CHST12: variants seen among roughly 807,000 people sequenced by gnomAD.
CHST12 encodes the protein carbohydrate (chondroitin 4) sulfotransferase 12.
In CHST12, 23 loss-of-function variants were observed where a neutral mutation model predicts 27.9. The observed-to-expected ratio is 0.82, with a 90% CI of 0.59 to 1.17. The LOEUF is 1.17. Ranked by LOEUF, CHST12 falls within the 50% of genes most tolerant of loss-of-function variation. The pLI is 0.00. For synonymous variants in CHST12, 322 were observed against 273.0 expected (o/e 1.18, Z -1.77); for missense variants, 682 against 603.0 (o/e 1.13, Z -1.37).
intron 1 of CHST12, among the ~76,000 whole-genome samples, chr7:2,424,092 GC>G: frequency 6.6e-6 from 1 of 152,106 alleles, no homozygotes; most frequent in Non-Finnish European, 1.5e-5. Flanking sequence ...AATGGCTTAT[GC>G]CTGTAATCCT....
At position 2,440,402 on chromosome 7, in the gene CHST12, A is replaced by G. The variant is rs1343729958; in HGVS notation, c.*6518A>G. The G allele has an allele frequency of 6.5e-6, 1 of 153,552 alleles. No individual in the cohort carries two copies. Among genetic ancestry groups the G allele is most frequent in the Non-Finnish European group, 1.5e-5 (1 of 68,236 alleles). 9.5% of individuals were successfully genotyped at this position (153,552 alleles called of 1,614,324 possible). A position where few individuals can be genotyped will look rare whatever the true frequency, so the allele number is the denominator to read the frequency against. The stretch of plus-strand genomic sequence containing the variant: ...GTGTGAGTCTGCACTTGTGTGCAAG[A>G]GAATGTGTGTGTGTGTGTGTTTGGA... On this transcript the variant is annotated 3_prime_UTR_variant, in exon 2 of 2. Transcript: ENST00000618655.
Position 2,433,912 on chromosome 7 carries a change from G to T in CHST12, c.*28G>T. The T allele has an allele frequency of 6.5e-7, 1 of 1,536,482 alleles. No individual in the cohort carries two copies. Among genetic ancestry groups the T allele is most frequent in the Non-Finnish European group, 8.8e-7 (1 of 1,141,010 alleles). On this transcript the variant is annotated 3_prime_UTR_variant, in exon 2 of 2. Transcript: ENST00000618655. The surrounding 1 kb of genome is among the most constrained non-coding windows in gnomAD (Gnocchi z 6.1). Reference sequence around the variant, plus strand: ...GCTTTCGCGTTGCTTTTTCTCGCGTGCCTGGAACCTGACGCACGCGCACTC... The same window carrying T: ...GCTTTCGCGTTGCTTTTTCTCGCGTTCCTGGAACCTGACGCACGCGCACTC...
chr7:2,418,820 G>A (rs1562513194), intron 1 of CHST12, among the ~76,000 whole-genome samples: 1 of 152,098 alleles, frequency 6.6e-6, no homozygotes, highest in East Asian at 1.9e-4. Context: ...TTTTTGGGAT[G>A]TGGTCTCACC....
chr7:2,417,226 CTT>C (rs1210382918), intron 1 of CHST12, among the ~76,000 whole-genome samples: 27 of 138,962 alleles, frequency 1.9e-4, no homozygotes, highest in Admixed American at 2.9e-4. Flanking sequence ...CTTACTCTAC[CTT>C]TTTTTTTTTT....
intron 1 of CHST12, among the ~76,000 whole-genome samples, chr7:2,425,122 A>G (rs1395145832): frequency 6.6e-6 from 1 of 150,386 alleles, no homozygotes; most frequent in African/African-American, 2.4e-5. Flanking sequence ...AGAAAATCGC[A>G]TGAACCCGGG....
chr7:2,426,852 G>T (rs1033287080), intron 1 of CHST12, among the ~76,000 whole-genome samples: 1 of 152,032 alleles, frequency 6.6e-6, no homozygotes, highest in Admixed American at 6.6e-5. Context: ...TTAGCCGGGT[G>T]TCAGGGTGGG....
chr7:2,405,389 A>AGC (rs1342897116), intron 1 of CHST12, among the ~76,000 whole-genome samples: 1 of 152,190 alleles, frequency 6.6e-6, no homozygotes, highest in Non-Finnish European at 1.5e-5. Context: ...AGTTGCAGTG[A>AGC]GCCGACACTG....
At chr7:2,412,794 G>A (rs1312122092) in intron 1 of CHST12, among the ~76,000 whole-genome samples, 2 of 152,140 alleles carry the variant, frequency 1.3e-5, no homozygotes, top group Admixed American at 6.6e-5. Context: ...CCCAGTTCAT[G>A]TGAGGATTAA....
In CHST12 at chr7:2,434,126, T is replaced by TCGCCCGCCCGCCCGCTCGCC; in HGVS notation, c.*249_*250insCCGCCCGCTCGCCCGCCCGC. On this transcript the variant is annotated 3_prime_UTR_variant, in exon 2 of 2. Coordinates refer to ENST00000618655, the MANE Select transcript of CHST12 (RefSeq NM_018641.5). ...TCCGCCCGCCCACCCGCCCGCCCGC[T>TCGCCCGCCCGCCCGCTCGCC]CGCCCGCTCGCCCGCTCCTGTGGTT... 2 of 317,506 alleles carry TCGCCCGCCCGCCCGCTCGCC rather than the reference T, an allele frequency of 6.3e-6. No individual in the cohort carries two copies. Among genetic ancestry groups the TCGCCCGCCCGCCCGCTCGCC allele is most frequent in the East Asian group, 5.9e-5 (1 of 16,930 alleles). The allele number at this position is 317,506 out of a possible 1,614,324, so 19.7% of individuals were successfully genotyped here.
chr7:2,422,061 T>C (rs1394690943), intron 1 of CHST12, among the ~76,000 whole-genome samples: 1 of 152,178 alleles, frequency 6.6e-6, no homozygotes, highest in African/African-American at 2.4e-5. Context: ...AACGCCCTTA[T>C]CTAGTTCTTA....
intron 1 of CHST12, among the ~76,000 whole-genome samples, chr7:2,427,641 TGAG>T (rs1782161261): frequency 6.6e-6 from 1 of 152,170 alleles, no homozygotes; most frequent in Non-Finnish European, 1.5e-5. Flanking sequence ...CCCTATAAGT[TGAG>T]GATATCCTCT....
At chr7:2,404,451 G>A (rs1781467968) in intron 1 of CHST12, among the ~76,000 whole-genome samples, 1 of 152,238 alleles carries the variant, frequency 6.6e-6, no homozygotes, top group East Asian at 1.9e-4. Context: ...GGGCTGTGGG[G>A]ACTCGGAAGC....
intron 1 of CHST12, among the ~76,000 whole-genome samples, chr7:2,404,381 G>T (rs1781465874): frequency 1.3e-5 from 2 of 152,154 alleles, no homozygotes; most frequent in Admixed American, 1.3e-4. Flanking sequence ...GCTCCGTCTG[G>T]CAGGCAGCAC....
chr7:2,428,199 T>G lies in CHST12; in HGVS notation c.-77-4364T>G, dbSNP rs1418171556. 4.1e-5 allele frequency among the ~76,000 whole-genome samples: 4 copies of G among 97,820 alleles called. No individual in the cohort carries two copies. The Admixed American group carries it at 4.1e-4, about 10-fold the overall frequency. 64.2% of individuals were successfully genotyped at this position (97,820 alleles called of 152,430 possible). On this transcript the variant is annotated intron_variant, in intron 1 of 1. Transcript: ENST00000618655. ...TTGGCCTGTAGCTTTCTCTCTCTCT[T>G]TTTTTTTTTTTTTGAGACAGAGTCT...
At chr7:2,411,308 C>CT (rs1302080544) in intron 1 of CHST12, among the ~76,000 whole-genome samples, 3 of 152,042 alleles carry the variant, frequency 2.0e-5, no homozygotes, top group Non-Finnish European at 4.4e-5. Flanking sequence ...TCTTGAACTC[C>CT]TGGTCTCAAA....
In CHST12 at chr7:2,437,826, A is replaced by C. The variant is rs921484745; in HGVS notation, c.*3942A>C. ...CAGAGGGTGTAGGAGTTGTGTTCCAAGTTTGTTCCTGCAAACCCTCCGATG... is the reference window on the plus strand; with the variant it reads ...CAGAGGGTGTAGGAGTTGTGTTCCACGTTTGTTCCTGCAAACCCTCCGATG... On this transcript the variant is annotated 3_prime_UTR_variant, in exon 2 of 2. Coordinates refer to ENST00000618655, the MANE Select transcript of CHST12 (RefSeq NM_018641.5). The C allele has an allele frequency of 2.6e-5, 4 of 152,068 alleles. No homozygotes were observed. Among genetic ancestry groups the C allele is most frequent in the African/African-American group, 7.3e-5 (3 of 41,354 alleles). The allele number at this position is 152,068 out of a possible 1,614,324, so 9.4% of individuals were successfully genotyped here. A position where few individuals can be genotyped will look rare whatever the true frequency, so the allele number is the denominator to read the frequency against.
At chr7:2,415,860 C>T (rs187148256) in intron 1 of CHST12, among the ~76,000 whole-genome samples, 116 of 152,236 alleles carry the variant, frequency 7.6e-4, no homozygotes, top group African/African-American at 2.7e-3. Context: ...GTGATCCGCG[C>T]ACCTCAGCCT....
Position 2,432,956 on chromosome 7 carries a change from G to T in CHST12, c.317G>T (p.Trp106Leu). 1 of 1,610,106 alleles carries T rather than the reference G, an allele frequency of 6.2e-7. No homozygotes were observed. Among genetic ancestry groups the T allele is most frequent in the Non-Finnish European group, 8.5e-7 (1 of 1,178,046 alleles). Residue 106 changes from tryptophan (W) to leucine (L), a missense_variant, in exon 2 of 2, where the codon TGG (tryptophan) becomes TTG (leucine). By Grantham distance (61) the Trp-to-Leu change is moderately conservative. Coordinates refer to ENST00000618655, the MANE Select transcript of CHST12 (RefSeq NM_018641.5). ...SMEESVRGYDWSPRDARRSPD... is the reference protein window; with the variant it reads ...SMEESVRGYDLSPRDARRSPD... Reference sequence around the variant, plus strand: ...GAGGAGAGCGTGAGAGGCTACGACTGGTCCCCGCGCGACGCCCGGCGCAGC... The same window carrying T: ...GAGGAGAGCGTGAGAGGCTACGACTTGTCCCCGCGCGACGCCCGGCGCAGC...
chr7:2,432,534 C>A, intron 1 of CHST12, 29 bp from the exon 2 acceptor site: 2 of 1,285,096 alleles, frequency 1.6e-6, no homozygotes, highest in South Asian at 1.4e-5. Context: ...GCACCTCAGT[C>A]ATTAACTAGT....
Sources: gnomAD v4.1 joint callset for allele counts (sites outside exome capture counted in the v4.1 genomes callset) on GRCh38, gnomAD v4.1.1 for gene constraint, Gnocchi (gnomAD v3.1) non-coding constraint, MANE v1.5 for transcripts, NCBI Gene and HGNC (gene_info 2026-07-23, HGNC 2026-07-21) for gene names.